CCDC158: variants seen among roughly 807,000 people sequenced by gnomAD.
CCDC158 encodes coiled-coil domain-containing protein 158.
In CCDC158, 116 loss-of-function variants were observed where a neutral mutation model predicts 138.6. That is an observed-to-expected ratio of 0.84 (90% CI 0.72 to 0.98). CCDC158 has a LOEUF of 0.98. Among genes scored for constraint, CCDC158 ranks in the 50% least tolerant of loss-of-function variants. The pLI, the probability that CCDC158 is intolerant of heterozygous loss-of-function variation, is 0.00. For synonymous variants in CCDC158, 436 were observed against 442.4 expected (o/e 0.99, Z 0.18); for missense variants, 1,265 against 1,306.1 (o/e 0.97, Z 0.48).
intron 6 of CCDC158, 52 bp downstream of exon 6, chr4:76,384,036 C>A (rs1726533583): frequency 1.6e-6 from 2 of 1,243,174 alleles, no homozygotes; most frequent in African/African-American, 1.5e-5. Flanking sequence ...TAATGCTATT[C>A]TCTTAATGCA....
At chr4:76,317,873 A>G (rs1174872765) in intron 24 of CCDC158, among the ~76,000 whole-genome samples, 1 of 152,202 alleles carries the variant, frequency 6.6e-6, no homozygotes, top group African/African-American at 2.4e-5. Flanking sequence ...AACTATATAA[A>G]TACATGGAAA....
intron 20 of CCDC158, among the ~76,000 whole-genome samples, 153 bp from the exon 21 acceptor site, chr4:76,331,556 T>C (rs1578882185): frequency 6.6e-6 from 1 of 152,324 alleles, no homozygotes; most frequent in South Asian, 2.1e-4. Context: ...ATTAACTTAA[T>C]GATAAAATTG....
chr4:76,319,701 T>A lies in CCDC158; in HGVS notation c.3277+3601A>T, dbSNP rs188171551. 2.0e-3 allele frequency among the ~76,000 whole-genome samples: 302 copies of A among 151,546 alleles called. 9 individuals are homozygous for A. Among genetic ancestry groups the A allele is most frequent in the Admixed American group, 0.019 (290 of 15,194 alleles). Reference sequence around the variant, plus strand: ...ATTGAAAACAATAATCATATCATCATCTCAAAAAATGCAGAAAAATCATTT... The same window carrying A: ...ATTGAAAACAATAATCATATCATCAACTCAAAAAATGCAGAAAAATCATTT... On this transcript the variant is annotated intron_variant, in intron 24 of 24. Transcript: ENST00000682701.
At chr4:76,354,758 C>T (rs1250849121) in intron 15 of CCDC158, among the ~76,000 whole-genome samples, 1 of 152,186 alleles carries the variant, frequency 6.6e-6, no homozygotes, top group East Asian at 1.9e-4. Flanking sequence ...CATCCACATC[C>T]GGTGTTACAG....
chr4:76,383,858 C>T (rs1726513250), intron 6 of CCDC158, 120 bp from the exon 7 acceptor site: 2 of 748,884 alleles, frequency 2.7e-6, no homozygotes, highest in Non-Finnish European at 4.5e-6. Context: ...AAATCAGATA[C>T]ATTCTATCCC....
chr4:76,322,600 C>T (rs1267700483), intron 24 of CCDC158, among the ~76,000 whole-genome samples: 4 of 152,108 alleles, frequency 2.6e-5, no homozygotes, highest in African/African-American at 9.7e-5. Context: ...CTTTACCCAG[C>T]AATTTATTGT....
intron 24 of CCDC158, among the ~76,000 whole-genome samples, chr4:76,319,011 G>A (rs1372323205): frequency 6.6e-6 from 1 of 151,830 alleles, no homozygotes; most frequent in East Asian, 1.9e-4. Flanking sequence ...GGTGGCTTAC[G>A]CCTGTAATCC....
chr4:76,367,686 C>T lies in CCDC158; in HGVS notation c.1438G>A (p.Val480Ile), dbSNP rs1214305299. The T allele has an allele frequency of 2.5e-6, 4 of 1,614,196 alleles. No individual in the cohort carries two copies. The highest frequency in any genetic ancestry group is 2.2e-5 in the East Asian group (1 of 44,888). The stretch of plus-strand genomic sequence containing the variant: ...TTCTTGGCTGTCAACTCTTCTACTA[C>T]TTTGCGCAGCATCTCTTTGGTGGAT... ...LESTKEMLRKVVEELTAKKMT... is the reference protein window; with the variant it reads ...LESTKEMLRKIVEELTAKKMT... Residue 480 changes from valine (V) to isoleucine (I), a missense_variant, in exon 12 of 25, where the codon GTA (valine) becomes ATA (isoleucine). Coordinates refer to ENST00000682701, the MANE Select transcript of CCDC158 (RefSeq NM_001394954.1).
intron 20 of CCDC158, among the ~76,000 whole-genome samples, chr4:76,331,907 T>C (rs1721045315): frequency 6.6e-6 from 1 of 152,222 alleles, no homozygotes; most frequent in Admixed American, 6.5e-5. Flanking sequence ...TAGCCTTTTT[T>C]CTTTTTTGGC....
At chr4:76,380,601 G>C (rs1458173196) in intron 8 of CCDC158, among the ~76,000 whole-genome samples, 1 of 152,174 alleles carries the variant, frequency 6.6e-6, no homozygotes, top group Non-Finnish European at 1.5e-5. Flanking sequence ...CTATTTAAAA[G>C]GGAAGCACAG....
At chr4:76,403,648 A>G (rs1227510219) in intron 2 of CCDC158, among the ~76,000 whole-genome samples, 2 of 152,232 alleles carry the variant, frequency 1.3e-5, no homozygotes, top group Non-Finnish European at 2.9e-5. Context: ...TCTGATGTCA[A>G]ATAGTGCTCA....
chr4:76,320,328 G>A (rs1272276737), intron 24 of CCDC158, among the ~76,000 whole-genome samples: 1 of 152,184 alleles, frequency 6.6e-6, no homozygotes, highest in African/African-American at 2.4e-5. Context: ...CATGCCCATG[G>A]ATGGGTAGAA....
chr4:76,415,090 G>T (rs1729585111), intron 1 of CCDC158, among the ~76,000 whole-genome samples: 1 of 152,150 alleles, frequency 6.6e-6, no homozygotes, highest in Non-Finnish European at 1.5e-5. Flanking sequence ...AGGCTGAGGT[G>T]GTCAGATGGA....
chr4:76,381,786 A>G (rs1726272598), intron 8 of CCDC158, among the ~76,000 whole-genome samples: 1 of 152,066 alleles, frequency 6.6e-6, no homozygotes, highest in Non-Finnish European at 1.5e-5. Context: ...GGTTCATGCC[A>G]TTCTCCTGCC....
In CCDC158 at chr4:76,367,454, A is replaced by T. The variant is rs768899335; in HGVS notation, c.1670T>A (p.Met557Lys). The T allele has an allele frequency of 4.3e-6, 7 of 1,614,162 alleles. No homozygotes were observed. The highest frequency in any genetic ancestry group is 1.6e-4 in the Middle Eastern group (1 of 6,062). The change falls in exon 12 of 25, where the codon ATG becomes AAG. Residue 557 changes from methionine to lysine, a missense_variant. Physicochemically the swap from Met to Lys is moderately conservative, Grantham distance 95. Coordinates refer to ENST00000682701, the MANE Select transcript of CCDC158 (RefSeq NM_001394954.1). Reference sequence around the variant, plus strand: ...CTCGATCACCTTGTCCTTCTCTGTCATCTGCAGTTTGAGGGCCTCACATTC... The same window carrying T: ...CTCGATCACCTTGTCCTTCTCTGTCTTCTGCAGTTTGAGGGCCTCACATTC... ...QTECEALKLQ[M>K]TEKDKVIEIL...
chr4:76,350,958 T>C (rs931769573), intron 18 of CCDC158, 38 bp downstream of exon 18: 27 of 1,590,856 alleles, frequency 1.7e-5, no homozygotes, highest in East Asian at 2.3e-5. Context: ...CTTACGCATA[T>C]GTCATTTGCG....
intron 7 of CCDC158, among the ~76,000 whole-genome samples, 161 bp downstream of exon 7, chr4:76,383,501 A>C (rs1318416704): frequency 6.6e-6 from 1 of 152,180 alleles, no homozygotes; most frequent in African/African-American, 2.4e-5. Context: ...ACGATTTTAT[A>C]ACCAGGGTCA....
At chr4:76,381,961 G>A (rs569665971) in intron 8 of CCDC158, among the ~76,000 whole-genome samples, 15 of 152,316 alleles carry the variant, frequency 9.8e-5, no homozygotes, top group South Asian at 8.3e-4. Context: ...GAATATAGGC[G>A]TAAGCCACCA....
chr4:76,385,432 A>G (rs1333047689), intron 4 of CCDC158, among the ~76,000 whole-genome samples: 2 of 152,216 alleles, frequency 1.3e-5, no homozygotes, highest in African/African-American at 4.8e-5. Context: ...GAAATTCAAG[A>G]GACATTATCA....
Sources: gnomAD v4.1 joint callset for allele counts (sites outside exome capture counted in the v4.1 genomes callset) on GRCh38, gnomAD v4.1.1 for gene constraint, MANE v1.5 for transcripts, NCBI Gene and HGNC (gene_info 2026-07-23, HGNC 2026-07-21) for gene names.